The following KLF8 variants were observed in gnomAD, a reference collection of about 807,000 sequenced individuals.
KLF8 encodes the protein KLF transcription factor 8, also known as Krueppel-like factor 8.
In KLF8, 10 loss-of-function variants were observed where a neutral mutation model predicts 18.2. The ratio of observed to expected loss-of-function variants is 0.55; its 90% CI spans 0.34 to 0.93. The LOEUF (loss-of-function observed/expected upper bound fraction) is 0.93. Among genes scored for constraint, KLF8 ranks in the 40% least tolerant of loss-of-function variants. The pLI is 0.02. For synonymous variants in KLF8, 109 were observed against 97.3 expected (o/e 1.12, Z -0.71); for missense variants, 264 against 277.9 (o/e 0.95, Z 0.36).
At chrX:56,066,787 G>T in the KLF8 span, among the ~76,000 whole-genome samples, 2 of 110,889 alleles carry the variant, frequency 1.8e-5, no homozygotes, top group Non-Finnish European at 3.8e-5. Context: ...TCCAAATGGT[G>T]CCTTGTAACT....
At chrX:56,243,528 CTTTTTTT>C (rs773032466) in intron 1 of KLF8, 12 of 58,179 alleles carry the variant, frequency 2.1e-4, no homozygotes, top group East Asian at 1.8e-3. Context: ...GAAACTCTTG[CTTTTTTT>C]TTTTTTTTTT....
intron 5 of KLF8, among the ~76,000 whole-genome samples, chrX:56,281,753 A>G (rs760442472): frequency 8.9e-6 from 1 of 112,536 alleles, no homozygotes; most frequent in Non-Finnish European, 1.9e-5. Context: ...TATGTGCTTT[A>G]TATTATGAAT....
chrX:56,034,874 G>A, the KLF8 span, among the ~76,000 whole-genome samples: 1 of 99,120 alleles, frequency 1.0e-5, no homozygotes, highest in South Asian at 5.2e-4. Context: ...TCCTGCCTCA[G>A]CCTCCCGAGT....
chrX:56,163,220 A>G, the KLF8 span, among the ~76,000 whole-genome samples: 1 of 111,786 alleles, frequency 8.9e-6, no homozygotes, highest in Admixed American at 9.5e-5. Flanking sequence ...ACAGTGTAGA[A>G]GCATTTTTTT....
At chrX:56,058,358 A>T in the KLF8 span, among the ~76,000 whole-genome samples, 2 of 84,844 alleles carry the variant, frequency 2.4e-5, no homozygotes, top group Admixed American at 2.9e-4. Context: ...TTTTATATAT[A>T]CTTTAAGTTC....
chrX:56,080,201 T>C, the KLF8 span, among the ~76,000 whole-genome samples: 199 of 109,817 alleles, frequency 1.8e-3, 1 homozygote, highest in East Asian at 0.01. Context: ...ATGATGTTAG[T>C]TGGTTATTTT....
At chrX:56,052,089 G>A in the KLF8 span, among the ~76,000 whole-genome samples, 3 of 111,479 alleles carry the variant, frequency 2.7e-5, no homozygotes, top group Non-Finnish European at 5.6e-5. Context: ...CATTATTCAC[G>A]TAGTTCTCAA....
chrX:56,086,113 C>G, the KLF8 span, among the ~76,000 whole-genome samples: 1 of 111,855 alleles, frequency 8.9e-6, no homozygotes, highest in Non-Finnish European at 1.9e-5. Flanking sequence ...GTTAGAAGAC[C>G]CTTACTAGGA....
At chrX:56,049,700 T>A in the KLF8 span, among the ~76,000 whole-genome samples, 1 of 107,768 alleles carries the variant, frequency 9.3e-6, no homozygotes, top group Admixed American at 1.0e-4. Context: ...TGCATCAATG[T>A]TCATCAAGGA....
the KLF8 span, among the ~76,000 whole-genome samples, chrX:56,014,316 G>A: frequency 8.9e-6 from 1 of 112,109 alleles, no homozygotes; most frequent in South Asian, 3.7e-4. Context: ...AGTGGGCAAA[G>A]GACATGAACA....
the KLF8 span, among the ~76,000 whole-genome samples, chrX:55,973,308 G>A: frequency 1.8e-5 from 2 of 111,874 alleles, no homozygotes; most frequent in African/African-American, 3.2e-5. Flanking sequence ...ACGATTTCAT[G>A]TCAAAGACTC....
chrX:55,940,052 A>C, the KLF8 span, among the ~76,000 whole-genome samples: 1 of 111,761 alleles, frequency 8.9e-6, no homozygotes, highest in Non-Finnish European at 1.9e-5. Context: ...CTGATACCAA[A>C]GCCTGGCAGA....
At chrX:55,931,723 G>A in the KLF8 span, among the ~76,000 whole-genome samples, 1,014 of 112,038 alleles carry the variant, frequency 9.1e-3, 36 homozygotes, top group Admixed American at 0.082. Context: ...TGATTGCACC[G>A]TGGTCTGAGA....
At chrX:56,196,054 G>A in the KLF8 span, among the ~76,000 whole-genome samples, 2 of 111,256 alleles carry the variant, frequency 1.8e-5, no homozygotes, top group African/African-American at 3.3e-5. Context: ...TCACCACCAG[G>A]ACTGCCTTCA....
the KLF8 span, among the ~76,000 whole-genome samples, chrX:56,009,039 G>A: frequency 5.4e-5 from 6 of 111,101 alleles, no homozygotes; most frequent in East Asian, 2.8e-4. Context: ...TAGGCAGTAC[G>A]GAGAAGCAAC....
At chrX:56,092,586 ATCATTTTAGCTTTATTTGTTGGT>A in the KLF8 span, among the ~76,000 whole-genome samples, 1 of 111,122 alleles carries the variant, frequency 9.0e-6, no homozygotes, top group Non-Finnish European at 1.9e-5. Context: ...CTTGCTGGAG[ATCATTTTAGCTTTATTTGTTGGT>A]TCTCTATTCT....
At chrX:55,946,738 C>G in the KLF8 span, among the ~76,000 whole-genome samples, 109 of 111,438 alleles carry the variant, frequency 9.8e-4, no homozygotes, top group East Asian at 0.026. Flanking sequence ...ACCTACTCAT[C>G]TGACAAAGCG....
chrX:56,158,522 G>A, the KLF8 span, among the ~76,000 whole-genome samples: 1 of 111,837 alleles, frequency 8.9e-6, no homozygotes, highest in African/African-American at 3.2e-5. Flanking sequence ...CTATCCATGA[G>A]TATGGAATGT....
the KLF8 span, among the ~76,000 whole-genome samples, chrX:55,966,952 A>C: frequency 1.8e-5 from 2 of 112,138 alleles, no homozygotes; most frequent in Non-Finnish European, 3.8e-5. Flanking sequence ...TCAAGAAAAA[A>C]ATTAGAGTTC....
Sources: allele counts gnomAD v4.1 joint callset (sites outside exome capture counted in the v4.1 genomes callset), GRCh38; gene constraint gnomAD v4.1.1; transcripts MANE v1.5; gene names NCBI Gene and HGNC (gene_info 2026-07-23, HGNC 2026-07-21).